Variants in EML5 observed in about 807,000 individuals in gnomAD.
The protein encoded by EML5 is echinoderm microtubule-associated protein-like 5.
In EML5, 120 loss-of-function variants were observed where a neutral mutation model predicts 250.0. That is an observed-to-expected ratio of 0.48 (90% CI 0.41 to 0.56). The LOEUF (loss-of-function observed/expected upper bound fraction) is 0.56, where lower values mean the gene tolerates loss of function less well. EML5 is among the 20% of genes least tolerant of loss of function. The pLI is 0.00. For synonymous variants in EML5, 771 were observed against 806.5 expected, an observed-to-expected ratio of 0.96 and a Z score of 0.75; for missense variants, 2,006 against 2,437.6, an observed-to-expected ratio of 0.82 and a Z score of 3.73.
intron 8 of EML5, among the ~76,000 whole-genome samples, chr14:88,717,950 T>C (rs2093527382): frequency 6.6e-6 from 1 of 152,246 alleles, no homozygotes; most frequent in Non-Finnish European, 1.5e-5. Context: ...GTTAAAGATA[T>C]AATTCTAATC....
At chr14:88,630,590 A>T (rs975052892) in intron 33 of EML5, among the ~76,000 whole-genome samples, 1 of 152,026 alleles carries the variant, frequency 6.6e-6, no homozygotes. Flanking sequence ...CCCAACCCAG[A>T]CCTCAGTGAT....
chr14:88,641,571 C>A (rs533577402), intron 31 of EML5, among the ~76,000 whole-genome samples: 25 of 152,182 alleles, frequency 1.6e-4, no homozygotes, highest in African/African-American at 5.5e-4. Context: ...AAAACAAAAA[C>A]CATATGATTA....
Position 88,664,513 on chromosome 14 carries a change from T to C in EML5, c.3389A>G (p.His1130Arg), listed in dbSNP as rs946040915. The part of the protein sequence containing the change: ...ICKGATSYIT[H>R]IDWDIRGKLL... ...CTTACCTCTAATATCCCAATCAATA[T>C]GGGTTATGTAACTGGTAGCTCCTTT... is the stretch of plus-strand genomic sequence containing the variant. The change falls in exon 23 of 44, where the codon CAT becomes CGT. Residue 1130 changes from histidine (H) to arginine (R), a missense_variant. Transcript: ENST00000554922. The C allele has an allele frequency of 2.5e-6, 4 of 1,606,412 alleles. No individual in the cohort carries two copies. The South Asian group carries it at 3.4e-5, about 14-fold the overall frequency.
At chr14:88,754,720 CA>C (rs1201437060) in intron 1 of EML5, 49 bp from the exon 2 acceptor site, 2 of 1,475,222 alleles carry the variant, frequency 1.4e-6, no homozygotes, top group African/African-American at 2.8e-5. Context: ...ATTGCTTATA[CA>C]GATTTTATAG....
chr14:88,613,567 C>T lies in EML5; in HGVS notation c.*2251G>A, dbSNP rs2087159063. 1 of 152,020 alleles carries T rather than the reference C, an allele frequency of 6.6e-6. No homozygotes were observed. The highest frequency in any genetic ancestry group is 1.5e-5 in the Non-Finnish European group (1 of 68,008). The allele number at this position is 152,020 out of a possible 1,614,324, so 9.4% of individuals were successfully genotyped here. A position where few individuals can be genotyped will look rare whatever the true frequency, so the allele number is the denominator to read the frequency against. On this transcript the variant is annotated 3_prime_UTR_variant, in exon 44 of 44. Transcript: ENST00000554922. ...ACACATATTTAAGAGTTTAATCTTT[C>T]AGTTGCTATGGCTTATGAACAAGCT...
chr14:88,637,940 A>G (rs2090833976), intron 32 of EML5, among the ~76,000 whole-genome samples: 1 of 152,248 alleles, frequency 6.6e-6, no homozygotes, highest in South Asian at 2.1e-4. Flanking sequence ...ACAAGGGTCT[A>G]TGTGGCATAG....
chr14:88,713,407 T>C (rs1299649697), intron 9 of EML5, among the ~76,000 whole-genome samples: 1 of 151,412 alleles, frequency 6.6e-6, no homozygotes, highest in African/African-American at 2.4e-5. Context: ...AAAAAAATAC[T>C]AATAGGTAAT....
intron 7 of EML5, among the ~76,000 whole-genome samples, chr14:88,731,436 T>C (rs1434857163): frequency 6.6e-6 from 1 of 152,270 alleles, no homozygotes; most frequent in East Asian, 1.9e-4. Context: ...CCATGGTGTA[T>C]ATGTGCCACA....
chr14:88,625,238 A>G (rs1482200249), intron 35 of EML5, 111 bp from the exon 36 acceptor site: 17 of 1,290,082 alleles, frequency 1.3e-5, no homozygotes, highest in African/African-American at 6.0e-5. Context: ...TACAAAGAGC[A>G]TGCATCGTGT....
chr14:88,662,560 T>TTTAA (rs1555430097), intron 24 of EML5, among the ~76,000 whole-genome samples: 1 of 144,436 alleles, frequency 6.9e-6, no homozygotes, highest in South Asian at 2.2e-4. Context: ...TTTTTTTTTT[T>TTTAA]AATACAGGGT....
rs143606729 is a variant in EML5, at chr14:88,634,601, C to T, written c.4337-112G>A. ...ATTATATACAAAATTGGTTTTATTA[C>T]ATTTGATTGAGTAAACTGTAAGAGA... On this transcript the variant is annotated intron_variant, in intron 32 of 43. Coordinates refer to ENST00000554922, the MANE Select transcript of EML5 (RefSeq NM_183387.3). 495 of 519,948 alleles carry T rather than the reference C, an allele frequency of 9.5e-4. 2 individuals are homozygous for T. The highest frequency in any genetic ancestry group is 8.5e-3 in the African/African-American group (422 of 49,764). The allele number at this position is 519,948 out of a possible 1,614,324, so 32.2% of individuals were successfully genotyped here. A position where few individuals can be genotyped will look rare whatever the true frequency, so the allele number is the denominator to read the frequency against.
In EML5 at chr14:88,754,605, A is replaced by G. The variant is rs906495151; in HGVS notation, c.264T>C (p.Cys88=). The change falls in exon 2 of 44, where the codon TGT becomes TGC. Residue 88 remains cysteine (C), a synonymous_variant. Transcript: ENST00000554922. ...TGQVGKEPYI[C]IWDSYTVQTI... ...TCTGCACAGTGTATGAATCCCAAAT[A>G]CAAATATAAGGCTCTTTCCCAACTT... 6.2e-7 allele frequency: 1 copy of G among 1,613,422 alleles called. No individual in the cohort carries two copies. The highest frequency in any genetic ancestry group is 8.5e-7 in the Non-Finnish European group (1 of 1,179,624).
rs373144086 is a variant in EML5, at chr14:88,616,153, A to G, written c.5886T>C (p.Gly1962=). 7.4e-6 allele frequency: 12 copies of G among 1,613,732 alleles called. No homozygotes were observed. The African/African-American group carries it at 1.6e-4, about 22-fold the overall frequency. The change falls in exon 43 of 44, where the codon GGT becomes GGC. Residue 1962 remains glycine (G), a synonymous_variant. Coordinates refer to ENST00000554922, the MANE Select transcript of EML5 (RefSeq NM_183387.3). The part of the protein sequence containing the change: ...SGDRHVVSAG[G]DDCSLFVWKC... Reference sequence around the variant, plus strand: ...AGAAAGTTACTAACCTGCAGTCATCACCTCCAGCACTAACAACATGTCGAT... The same window carrying G: ...AGAAAGTTACTAACCTGCAGTCATCGCCTCCAGCACTAACAACATGTCGAT...
intron 40 of EML5, 37 bp downstream of exon 40, chr14:88,618,613 G>C: frequency 6.3e-7 from 1 of 1,578,950 alleles, no homozygotes; most frequent in South Asian, 1.2e-5. Context: ...AAAAGCAGAA[G>C]AACTTGCCAC....
rs977312682 is a variant in EML5 at position 88,753,025 on chromosome 14, C to T, written c.357+1487G>A. ...CCTGGACGCTGGACAATCCAGGATG[C>T]ACTGGGTGCAGGAACCCAAAAAGGC... On this transcript the variant is annotated intron_variant, in intron 2 of 43. Coordinates refer to ENST00000554922, the MANE Select transcript of EML5 (RefSeq NM_183387.3). Among the ~76,000 whole-genome samples, 4 of 152,192 alleles carry T rather than the reference C, an allele frequency of 2.6e-5. 1 individual carries two copies. Among genetic ancestry groups the T allele is most frequent in the African/African-American group, 4.8e-5 (2 of 41,464 alleles).
At position 88,658,293 on chromosome 14, in the gene EML5, G is replaced by T; in HGVS notation, c.3771C>A (p.Gly1257=). The T allele has an allele frequency of 1.9e-6, 3 of 1,613,626 alleles. No individual in the cohort carries two copies. The highest frequency in any genetic ancestry group is 2.5e-6 in the Non-Finnish European group (3 of 1,179,794). The part of the protein sequence containing the change: ...TYDDSMLVTL[G]GTDMSLMVWT... ...ACACCATTAAAGACATATCTGTACC[G>T]CCTAGGGTAACCAACATGCTGTCAT... is the stretch of plus-strand genomic sequence containing the variant. Residue 1257 remains glycine, a synonymous_variant, in exon 26 of 44, where the codon GGC becomes GGA. Coordinates refer to ENST00000554922, the MANE Select transcript of EML5 (RefSeq NM_183387.3).
At chr14:88,636,823 A>G (rs1177909704) in intron 32 of EML5, among the ~76,000 whole-genome samples, 1 of 152,222 alleles carries the variant, frequency 6.6e-6, no homozygotes, top group Admixed American at 6.5e-5. Context: ...TTTCTGTTGT[A>G]TATGAAGAAC....
intron 7 of EML5, among the ~76,000 whole-genome samples, chr14:88,728,213 T>A (rs1040313237): frequency 4.7e-5 from 7 of 147,514 alleles, no homozygotes; most frequent in African/African-American, 1.8e-4. Flanking sequence ...TTTTTTTTTG[T>A]CATTATTCCC....
At chr14:88,658,497 C>T (rs946219689) in intron 25 of EML5, 109 bp from the exon 26 acceptor site, 33 of 848,758 alleles carry the variant, frequency 3.9e-5, no homozygotes, top group East Asian at 2.5e-4. Context: ...ATTTCAAGTG[C>T]AATGTGTTAA....
Sources: gnomAD v4.1 joint callset for allele counts (sites outside exome capture counted in the v4.1 genomes callset) on GRCh38, gnomAD v4.1.1 for gene constraint, MANE v1.5 for transcripts, NCBI Gene and HGNC (gene_info 2026-07-23, HGNC 2026-07-21) for gene names.